DAB1: variants seen among roughly 807,000 people sequenced by gnomAD.
DAB1 encodes the protein disabled homolog 1.
In DAB1, 15 loss-of-function variants were observed where a neutral mutation model predicts 64.6. That is an observed-to-expected ratio of 0.23 (90% CI 0.16 to 0.36). DAB1 has a LOEUF of 0.36. Among genes scored for constraint, DAB1 ranks in the 10% least tolerant of loss-of-function variants. DAB1 has a pLI of 1.00. For synonymous variants in DAB1, 235 were observed against 251.9 expected, an observed-to-expected ratio of 0.93 and a Z score of 0.64; for missense variants, 596 against 706.7, an observed-to-expected ratio of 0.84 and a Z score of 1.78.
chr1:57,121,157 G>GAGGAGCAGA (rs142198999), intron 4 of DAB1, among the ~76,000 whole-genome samples: 1 of 140,784 alleles, frequency 7.1e-6, no homozygotes, highest in South Asian at 2.4e-4. Flanking sequence ...GGAGGAGGAG[G>GAGGAGCAGA]AGGAGGAGAA....
intron 2 of DAB1, among the ~76,000 whole-genome samples, chr1:57,219,037 A>C (rs887556787): frequency 2.4e-4 from 36 of 152,160 alleles, no homozygotes; most frequent in Non-Finnish European, 5.1e-4. Flanking sequence ...CACACTAAAC[A>C]TTCCTTTTTC....
chr1:58,203,130 G>A (rs761863058), intron 4 of DAB1, among the ~76,000 whole-genome samples: 4 of 152,130 alleles, frequency 2.6e-5, no homozygotes, highest in Non-Finnish European at 5.9e-5. Flanking sequence ...AGGGGAAGAG[G>A]GCAGCATCAC....
intron 2 of DAB1, among the ~76,000 whole-genome samples, chr1:57,271,149 G>A (rs930096064): frequency 2.6e-5 from 4 of 152,170 alleles, no homozygotes; most frequent in Non-Finnish European, 5.9e-5. Context: ...GTGAACAGGT[G>A]CCAGCTCAGC....
At chr1:58,007,798 TAGAC>T (rs1381430275) in intron 5 of DAB1, among the ~76,000 whole-genome samples, 3 of 152,068 alleles carry the variant, frequency 2.0e-5, no homozygotes, top group Non-Finnish European at 2.9e-5. Context: ...AATAGGAAAA[TAGAC>T]AGTGCAAAAA....
At chr1:57,263,637 T>A (rs1670367563) in intron 2 of DAB1, among the ~76,000 whole-genome samples, 1 of 152,120 alleles carries the variant, frequency 6.6e-6, no homozygotes, top group Non-Finnish European at 1.5e-5. Context: ...CTGAGTGCTA[T>A]GAGCCATTAG....
intron 5 of DAB1, among the ~76,000 whole-genome samples, chr1:57,905,881 G>T (rs1450214664): frequency 6.6e-6 from 1 of 152,184 alleles, no homozygotes; most frequent in Non-Finnish European, 1.5e-5. Flanking sequence ...TAGGATGAAT[G>T]CCCCTGTTCA....
intron 5 of DAB1, among the ~76,000 whole-genome samples, chr1:58,020,163 C>T (rs1646796044): frequency 6.6e-6 from 1 of 152,178 alleles, no homozygotes; most frequent in Non-Finnish European, 1.5e-5. Context: ...GAATGAGGAA[C>T]ATGAAATTTA....
intron 5 of DAB1, among the ~76,000 whole-genome samples, chr1:57,905,742 C>T: frequency 6.6e-6 from 1 of 151,990 alleles, no homozygotes; most frequent in Non-Finnish European, 1.5e-5. Flanking sequence ...GGCTCACTAA[C>T]ATACAGAGAT....
intron 14 of DAB1, among the ~76,000 whole-genome samples, chr1:57,008,241 G>A (rs768897127): frequency 1.3e-5 from 2 of 152,232 alleles, no homozygotes; most frequent in Non-Finnish European, 2.9e-5. Flanking sequence ...AGAGAGCTAA[G>A]CAGCAGGCTT....
At chr1:58,452,775 C>T (rs771905830) in intron 3 of DAB1, among the ~76,000 whole-genome samples, 15 of 151,620 alleles carry the variant, frequency 9.9e-5, no homozygotes, top group Admixed American at 9.9e-4. Flanking sequence ...TTGCGGTGAG[C>T]CACGATTAAG....
intron 3 of DAB1, among the ~76,000 whole-genome samples, chr1:58,425,519 C>T (rs1317775190): frequency 1.3e-5 from 2 of 152,082 alleles, no homozygotes; most frequent in Non-Finnish European, 2.9e-5. Flanking sequence ...ATCTGAGAGA[C>T]GTCAGCAGAG....
At chr1:57,332,212 C>T (rs1223395419) in intron 1 of DAB1, among the ~76,000 whole-genome samples, 1 of 135,686 alleles carries the variant, frequency 7.4e-6, no homozygotes, top group Non-Finnish European at 1.8e-5. Flanking sequence ...AATCTGCCCG[C>T]CTTGGCCTCC....
intron 5 of DAB1, among the ~76,000 whole-genome samples, chr1:58,043,729 C>T (rs927370472): frequency 6.7e-6 from 1 of 149,164 alleles, no homozygotes; most frequent in East Asian, 2.0e-4. Context: ...ATAATCACAA[C>T]CCACATTTTT....
intron 1 of DAB1, among the ~76,000 whole-genome samples, chr1:57,377,608 C>T (rs1681014324): frequency 6.6e-6 from 1 of 152,168 alleles, no homozygotes. Context: ...ATGCAGAGGA[C>T]TTTTTCCAGT....
intron 4 of DAB1, among the ~76,000 whole-genome samples, chr1:58,300,640 GAGAGAGAGGA>G (rs1471406323): frequency 8.7e-5 from 5 of 57,418 alleles, no homozygotes; most frequent in African/African-American, 2.5e-4. Context: ...GAGAGAGAGA[GAGAGAGAGGA>G]AGGAAGGAAG....
intron 4 of DAB1, among the ~76,000 whole-genome samples, chr1:58,260,987 T>C (rs1424388947): frequency 6.6e-6 from 1 of 152,208 alleles, no homozygotes; most frequent in East Asian, 1.9e-4. Context: ...CAATAAATAT[T>C]GCTACATAAA....
intron 5 of DAB1, among the ~76,000 whole-genome samples, chr1:57,917,431 C>G (rs1225157261): frequency 6.6e-6 from 1 of 152,116 alleles, no homozygotes; most frequent in Non-Finnish European, 1.5e-5. Flanking sequence ...TAATCCTGCC[C>G]CATATCATTG....
intron 4 of DAB1, among the ~76,000 whole-genome samples, chr1:58,316,018 T>A (rs1662552035): frequency 6.6e-6 from 1 of 152,138 alleles, no homozygotes; most frequent in Admixed American, 6.6e-5. Flanking sequence ...AAGACTGTGG[T>A]TTAAATCCTA....
chr1:57,237,634 T>C (rs1197865328), intron 2 of DAB1, among the ~76,000 whole-genome samples: 1 of 152,258 alleles, frequency 6.6e-6, no homozygotes, highest in Non-Finnish European at 1.5e-5. Flanking sequence ...TCATGGTTTA[T>C]GAAACATTTG....
Sources: allele counts gnomAD v4.1 joint callset (sites outside exome capture counted in the v4.1 genomes callset), GRCh38; gene constraint gnomAD v4.1.1; transcripts MANE v1.5; gene names NCBI Gene and HGNC (gene_info 2026-07-23, HGNC 2026-07-21).